Variants in RNF217 observed in about 807,000 individuals in gnomAD.
RNF217 encodes E3 ubiquitin-protein ligase RNF217.
A neutral mutation model predicts 57.8 loss-of-function variants in RNF217; 31 were observed. That is an observed-to-expected ratio of 0.54 (90% CI 0.40 to 0.72). The LOEUF (loss-of-function observed/expected upper bound fraction) is 0.72, where lower values mean the gene tolerates loss of function less well. Among genes scored for constraint, RNF217 ranks in the 30% least tolerant of loss-of-function variants. The pLI is 0.00. For missense variants in RNF217, 696 were observed against 708.3 expected (o/e 0.98, Z 0.20); for synonymous variants, 313 against 294.0 (o/e 1.06, Z -0.66).
intron 1 of RNF217, among the ~76,000 whole-genome samples, chr6:124,964,292 T>G (rs1241981821): frequency 6.6e-6 from 1 of 152,214 alleles, no homozygotes; most frequent in Non-Finnish European, 1.5e-5. Context: ...CAAAACCCTG[T>G]GTGTTCAGGT....
intron 1 of RNF217, among the ~76,000 whole-genome samples, chr6:125,022,818 G>A (rs951190769): frequency 4.6e-5 from 7 of 152,020 alleles, no homozygotes; most frequent in African/African-American, 1.7e-4. Flanking sequence ...TGGACTAGTG[G>A]TCTGGTGCTC....
chr6:125,070,046 T>C (rs1788080034), intron 3 of RNF217, among the ~76,000 whole-genome samples: 1 of 152,100 alleles, frequency 6.6e-6, no homozygotes, highest in African/African-American at 2.4e-5. Flanking sequence ...CATGAGATCA[T>C]CTTTATACCT....
intron 1 of RNF217, among the ~76,000 whole-genome samples, chr6:125,008,267 A>C (rs1479796821): frequency 6.6e-6 from 1 of 151,996 alleles, no homozygotes; most frequent in Non-Finnish European, 1.5e-5. Flanking sequence ...AAAAAAAAAA[A>C]AGTTATGTGA....
At chr6:125,063,669 A>G (rs918997379) in intron 3 of RNF217, among the ~76,000 whole-genome samples, 1 of 128,424 alleles carries the variant, frequency 7.8e-6, no homozygotes, top group African/African-American at 2.7e-5. Flanking sequence ...AAGGTTTTGC[A>G]CAATAATTAT....
At chr6:125,071,623 T>C (rs946913901) in intron 3 of RNF217, among the ~76,000 whole-genome samples, 2 of 151,982 alleles carry the variant, frequency 1.3e-5, no homozygotes, top group Non-Finnish European at 2.9e-5. Flanking sequence ...TCTACTACAA[T>C]GTGGACTTAA....
intron 3 of RNF217, among the ~76,000 whole-genome samples, chr6:125,065,898 C>G (rs547105729): frequency 1.4e-4 from 21 of 152,306 alleles, no homozygotes; most frequent in Admixed American, 7.2e-4. Flanking sequence ...TACTCAACAT[C>G]TTCAACCGGA....
Position 125,076,886 on chromosome 6 carries a change from C to G in RNF217, c.1483+28C>G, listed in dbSNP as rs748523475. ...GAGTGTCTGACATACTTATGGGTGT[C>G]TTCCCTGGGAATTAAGTAGTGAAAA... On this transcript the variant is annotated intron_variant, in intron 4 of 5. Transcript: ENST00000521654. The G allele has an allele frequency of 5.1e-6, 8 of 1,582,958 alleles. No homozygotes were observed. The African/African-American group carries it at 1.1e-4, about 21-fold the overall frequency.
At chr6:125,059,988 T>C (rs1476439485) in intron 3 of RNF217, among the ~76,000 whole-genome samples, 1 of 152,186 alleles carries the variant, frequency 6.6e-6, no homozygotes, top group Non-Finnish European at 1.5e-5. Flanking sequence ...TTATGATGTG[T>C]TTGGAGTATA....
intron 1 of RNF217, among the ~76,000 whole-genome samples, chr6:125,036,250 G>A (rs902498148): frequency 3.9e-5 from 6 of 152,044 alleles, no homozygotes; most frequent in South Asian, 4.1e-4. Context: ...TGCAAAGGAC[G>A]TGAACTCATT....
intron 1 of RNF217, among the ~76,000 whole-genome samples, chr6:124,987,468 A>G (rs866498700): frequency 2.6e-5 from 4 of 152,152 alleles, no homozygotes; most frequent in African/African-American, 9.7e-5. Flanking sequence ...ATTTTATATA[A>G]ACAGAATCAT....
intron 3 of RNF217, among the ~76,000 whole-genome samples, chr6:125,072,617 C>A (rs751278428): frequency 2.0e-5 from 3 of 152,084 alleles, no homozygotes; most frequent in Non-Finnish European, 4.4e-5. Context: ...TATAAAATTA[C>A]AGTGAAAATT....
Position 124,983,160 on chromosome 6 carries a change from T to C in RNF217, c.882+19734T>C, listed in dbSNP as rs187207269. 4.2e-3 allele frequency among the ~76,000 whole-genome samples: 643 copies of C among 152,334 alleles called. 7 individuals carry two copies. Among genetic ancestry groups the C allele is most frequent in the African/African-American group, 0.015 (616 of 41,582 alleles). ...TTGTCTTCAGAAGGGTCATAAATGC[T>C]CAGAAATTTTATGTAAAATCAATTT... On this transcript the variant is annotated intron_variant, in intron 1 of 5. Transcript: ENST00000521654.
At chr6:124,965,470 G>A (rs530614642) in intron 1 of RNF217, among the ~76,000 whole-genome samples, 12 of 152,240 alleles carry the variant, frequency 7.9e-5, no homozygotes, top group Non-Finnish European at 1.8e-4. Context: ...CTACTTGGAA[G>A]GCTGAGGCAG....
chr6:125,003,830 G>A (rs1424503797), intron 1 of RNF217, among the ~76,000 whole-genome samples: 1 of 151,966 alleles, frequency 6.6e-6, no homozygotes, highest in African/African-American at 2.4e-5. Flanking sequence ...CTTCTTATAT[G>A]CTATGTCTTG....
At position 125,087,818 on chromosome 6, in the gene RNF217, ATTAAT is replaced by A. The variant is rs1403138470; in HGVS notation, c.*4885_*4889del. 2 of 152,054 alleles carry A rather than the reference ATTAAT, an allele frequency of 1.3e-5. No homozygotes were observed. Among genetic ancestry groups the A allele is most frequent in the Non-Finnish European group, 2.9e-5 (2 of 67,986 alleles). The allele number at this position is 152,054 out of a possible 1,614,324, so 9.4% of individuals were successfully genotyped here. On this transcript the variant is annotated 3_prime_UTR_variant, in exon 6 of 6. Transcript: ENST00000521654. The stretch of plus-strand genomic sequence containing the variant: ...TTGGAATGTTTGTTTAAAATATTAA[ATTAAT>A]TTATACTGAAAGTTTTAACTGCAAT...
At chr6:125,066,159 C>T (rs1418651756) in intron 3 of RNF217, among the ~76,000 whole-genome samples, 2 of 152,180 alleles carry the variant, frequency 1.3e-5, no homozygotes, top group Non-Finnish European at 2.9e-5. Flanking sequence ...TGGGGCAAGG[C>T]ATCATCGTCT....
At chr6:124,971,531 C>T (rs1279620061) in intron 1 of RNF217, 9 of 301,784 alleles carry the variant, frequency 3.0e-5, no homozygotes, top group East Asian at 1.3e-4. Context: ...TCTCGGCTCA[C>T]GGAAACCTCC....
At chr6:125,052,284 T>TTGTGTGTGTGTG (rs368469313) in intron 2 of RNF217, among the ~76,000 whole-genome samples, 3,300 of 143,170 alleles carry the variant, frequency 0.023, 55 homozygotes, top group African/African-American at 0.041. Context: ...GTCATGCGTT[T>TTGTGTGTGTGTG]TGTGTGTGTG....
rs1435428136 is a variant in RNF217 at position 125,084,789 on chromosome 6, A to T, written c.*1852A>T. 2.0e-5 allele frequency: 3 copies of T among 151,894 alleles called. No individual in the cohort carries two copies. The highest frequency in any genetic ancestry group is 4.8e-5 in the African/African-American group (2 of 41,398). The allele number at this position is 151,894 out of a possible 1,614,324, so 9.4% of individuals were successfully genotyped here. A position where few individuals can be genotyped will look rare whatever the true frequency, so the allele number is the denominator to read the frequency against. On this transcript the variant is annotated 3_prime_UTR_variant, in exon 6 of 6. Coordinates refer to ENST00000521654, the MANE Select transcript of RNF217 (RefSeq NM_001286398.3). ...GCATAATATAATACAAGAAATAGTG[A>T]TGCTCTGTTTTCACAAATTTATCTT...
Sources: allele counts gnomAD v4.1 joint callset (sites outside exome capture counted in the v4.1 genomes callset), GRCh38; gene constraint gnomAD v4.1.1; transcripts MANE v1.5; gene names NCBI Gene and HGNC (gene_info 2026-07-23, HGNC 2026-07-21).